CELF2: variants seen among roughly 807,000 people sequenced by gnomAD.
CELF2 encodes the protein CUGBP Elav-like family member 2, also known as CUG triplet repeat RNA-binding protein 2.
Under a neutral mutation model 62.6 loss-of-function variants are expected in CELF2, and 8 were observed. That is an observed-to-expected ratio of 0.13 (90% confidence interval 0.07 to 0.23). CELF2 has a LOEUF of 0.23. Among genes scored for constraint, CELF2 ranks in the 10% least tolerant of loss-of-function variants. The pLI is 1.00. For missense variants in CELF2, 333 were observed against 671.0 expected, an observed-to-expected ratio of 0.50 and a Z score of 5.56; for synonymous variants, 258 against 250.0, an observed-to-expected ratio of 1.03 and a Z score of -0.30.
chr10:11,175,579 A>C (rs1036554067), intron 2 of CELF2, among the ~76,000 whole-genome samples: 1 of 152,192 alleles, frequency 6.6e-6, no homozygotes, highest in East Asian at 1.9e-4. Context: ...AGCATGTTAC[A>C]AAAGTTAAGG....
rs1565949627 is a variant in CELF2 at position 11,316,692 on chromosome 10, C to T, written c.1096+2434C>T. ...GTTTTCTGAATAGAGCCAACTCTTA[C>T]CCACCGACACAGCGGTCAGCAAGAA... is the stretch of plus-strand genomic sequence containing the variant. On this transcript the variant is annotated intron_variant, in intron 10 of 12. Coordinates refer to ENST00000633077, the MANE Select transcript of CELF2 (RefSeq NM_001326342.2). The surrounding 1 kb of genome is among the most constrained non-coding windows in gnomAD (Gnocchi z 4.4). 5 of 152,186 alleles carry T rather than the reference C, an allele frequency of 3.3e-5. No homozygotes were observed. The highest frequency in any genetic ancestry group is 2.6e-4 in the Admixed American group (4 of 15,282). 9.4% of individuals were successfully genotyped at this position (152,186 alleles called of 1,614,324 possible). A position where few individuals can be genotyped will look rare whatever the true frequency, so the allele number is the denominator to read the frequency against.
the CELF2 span, among the ~76,000 whole-genome samples, chr10:10,524,977 T>C: frequency 0.87 from 132,026 of 152,118 alleles, 58,904 homozygotes; most frequent in South Asian, 0.97. Context: ...TAGATTATAG[T>C]GTATACAGGT....
At chr10:10,514,425 A>G in the CELF2 span, among the ~76,000 whole-genome samples, 1 of 152,196 alleles carries the variant, frequency 6.6e-6, no homozygotes, top group Non-Finnish European at 1.5e-5. Context: ...GAGGTGAGGT[A>G]GAGAATAAAG....
At chr10:10,617,043 C>T in the CELF2 span, among the ~76,000 whole-genome samples, 1 of 152,132 alleles carries the variant, frequency 6.6e-6, no homozygotes, top group African/African-American at 2.4e-5. Context: ...AGGCATGAGC[C>T]ACTGAACCCA....
the CELF2 span, among the ~76,000 whole-genome samples, chr10:10,502,975 A>C: frequency 2.6e-5 from 4 of 151,896 alleles, no homozygotes; most frequent in Admixed American, 2.0e-4. Flanking sequence ...TTCCCTTGAG[A>C]CTTGCATTTT....
the CELF2 span, among the ~76,000 whole-genome samples, chr10:10,601,788 C>T: frequency 6.6e-6 from 1 of 150,996 alleles, no homozygotes; most frequent in African/African-American, 2.4e-5. Context: ...GTTTGTTACA[C>T]AGTTCAACGT....
chr10:10,500,484 A>G, the CELF2 span, among the ~76,000 whole-genome samples: 3 of 152,180 alleles, frequency 2.0e-5, no homozygotes, highest in Non-Finnish European at 4.4e-5. Flanking sequence ...AAGTCTCACA[A>G]GATCTGATGG....
At chr10:10,760,197 G>C in the CELF2 span, among the ~76,000 whole-genome samples, 1 of 152,112 alleles carries the variant, frequency 6.6e-6, no homozygotes, top group African/African-American at 2.4e-5. Context: ...AGCCACTGTG[G>C]CCAGCTAAAA....
At chr10:11,249,244 G>C (rs763198523) in intron 4 of CELF2, 43 bp downstream of exon 4, 1 of 1,519,464 alleles carries the variant, frequency 6.6e-7, no homozygotes, top group Admixed American at 1.7e-5. Flanking sequence ...AATATCTGCT[G>C]CTTTAAATTA....
chr10:11,169,259 T>G (rs878965935), intron 2 of CELF2: 2 of 152,138 alleles, frequency 1.3e-5, no homozygotes, highest in Admixed American at 1.3e-4. Flanking sequence ...AGAAGGCAGG[T>G]CCACAGGTAA....
At chr10:11,081,834 G>A (rs923062674) in intron 1 of CELF2, among the ~76,000 whole-genome samples, 1 of 152,196 alleles carries the variant, frequency 6.6e-6, no homozygotes, top group African/African-American at 2.4e-5. Context: ...AGGCTTTCAG[G>A]ACACATTCAT....
At chr10:10,742,267 C>G in the CELF2 span, among the ~76,000 whole-genome samples, 1 of 152,218 alleles carries the variant, frequency 6.6e-6, no homozygotes, top group Non-Finnish European at 1.5e-5. Flanking sequence ...AACCTATTAA[C>G]AAGGTTAAAT....
chr10:11,049,129 A>AG (rs2063411415), intron 1 of CELF2, among the ~76,000 whole-genome samples: 1 of 151,786 alleles, frequency 6.6e-6, no homozygotes, highest in Non-Finnish European at 1.5e-5. Context: ...TGTTAAAAAA[A>AG]AAAAAAGTCT....
chr10:11,145,330 A>G lies in CELF2; in HGVS notation c.75-20156A>G, dbSNP rs1170146760. Among the ~76,000 whole-genome samples the G allele has an allele frequency of 6.6e-6, 1 of 152,244 alleles. No homozygotes were observed. Among genetic ancestry groups the G allele is most frequent in the Admixed American group, 6.5e-5 (1 of 15,284 alleles). ...TTGTTGAAAGAGCTGGCTGAGCTTC[A>G]GATGGGTTTGCAGGAGTGTCAGGAT... On this transcript the variant is annotated intron_variant, in intron 1 of 12. Coordinates refer to ENST00000633077, the MANE Select transcript of CELF2 (RefSeq NM_001326342.2). The surrounding 1 kb of genome is among the most constrained non-coding windows in gnomAD (Gnocchi z 4.3).
At chr10:11,168,304 G>A (rs1047566556) in intron 2 of CELF2, among the ~76,000 whole-genome samples, 1 of 152,138 alleles carries the variant, frequency 6.6e-6, no homozygotes, top group African/African-American at 2.4e-5. Flanking sequence ...AAGTATGTGG[G>A]CTGTCAGCCA....
At chr10:10,834,270 G>T (rs186927350) in intron 1 of CELF2, among the ~76,000 whole-genome samples, 8 of 152,162 alleles carry the variant, frequency 5.3e-5, no homozygotes. Flanking sequence ...GAGAACAGAC[G>T]GACACATAGA....
At chr10:10,645,385 G>C in the CELF2 span, among the ~76,000 whole-genome samples, 3 of 152,278 alleles carry the variant, frequency 2.0e-5, no homozygotes, top group East Asian at 5.8e-4. Flanking sequence ...GGGTGCGGTG[G>C]TTCATGCCTA....
At chr10:10,681,590 A>G in the CELF2 span, among the ~76,000 whole-genome samples, 1 of 152,204 alleles carries the variant, frequency 6.6e-6, no homozygotes, top group South Asian at 2.1e-4. Flanking sequence ...AAATTTTCAC[A>G]TGCCATGAAA....
intron 1 of CELF2, among the ~76,000 whole-genome samples, chr10:11,031,548 T>G (rs1391332650): frequency 6.6e-6 from 1 of 152,228 alleles, no homozygotes; most frequent in East Asian, 1.9e-4. Flanking sequence ...AACCATTTCA[T>G]ACTGAACATT....
Sources: allele counts gnomAD v4.1 joint callset (sites outside exome capture counted in the v4.1 genomes callset), GRCh38; gene constraint gnomAD v4.1.1; non-coding constraint Gnocchi (gnomAD v3.1); transcripts MANE v1.5; gene names NCBI Gene and HGNC (gene_info 2026-07-23, HGNC 2026-07-21).